VWA3B: variants seen among roughly 807,000 people sequenced by gnomAD.
The protein encoded by VWA3B is von Willebrand factor A domain-containing protein 3B.
A neutral mutation model predicts 158.3 loss-of-function variants in VWA3B; 138 were observed. The ratio of observed to expected loss-of-function variants is 0.87; its 90% CI spans 0.76 to 1.00. The LOEUF is 1.00. Ranked by LOEUF, VWA3B falls within the 50% of genes least tolerant of loss-of-function variation. VWA3B has a pLI of 0.00. For missense variants in VWA3B, 1,555 were observed against 1,565.1 expected (o/e 0.99, Z 0.11); for synonymous variants, 596 against 587.3 (o/e 1.01, Z -0.21).
intron 14 of VWA3B, among the ~76,000 whole-genome samples, chr2:98,220,166 A>T (rs775265821): frequency 0.039 from 552 of 14,168 alleles, 4 homozygotes; most frequent in South Asian, 0.16. Context: ...CCTGTCTCAT[A>T]AAAAAAAAAA....
the VWA3B span, among the ~76,000 whole-genome samples, chr2:98,327,976 C>A: frequency 1.3e-5 from 2 of 152,156 alleles, no homozygotes; most frequent in African/African-American, 4.8e-5. Context: ...AACAGAGACT[C>A]CCCACTATGC....
chr2:98,318,728 T>TA, the VWA3B span, among the ~76,000 whole-genome samples: 14 of 152,078 alleles, frequency 9.2e-5, no homozygotes, highest in African/African-American at 2.9e-4. Flanking sequence ...ACTTAAAAGT[T>TA]AAAAAAATAA....
chr2:98,115,888 G>T, intron 3 of VWA3B, 142 bp downstream of exon 3: 1 of 598,150 alleles, frequency 1.7e-6, no homozygotes, highest in Non-Finnish European at 2.8e-6. Flanking sequence ...TTTTCTTTTG[G>T]CATTGATAGG....
At chr2:98,124,533 T>G (rs1675209430) in intron 5 of VWA3B, among the ~76,000 whole-genome samples, 1 of 152,154 alleles carries the variant, frequency 6.6e-6, no homozygotes, top group Admixed American at 6.5e-5. Context: ...TCAGATGAAA[T>G]GGGCTGAGAC....
chr2:98,217,726 C>A, intron 13 of VWA3B, 120 bp from the exon 14 acceptor site: 1 of 879,310 alleles, frequency 1.1e-6, no homozygotes, highest in Non-Finnish European at 1.6e-6. Flanking sequence ...AGAAGCCACT[C>A]ACCACTGTAT....
intron 1 of VWA3B, among the ~76,000 whole-genome samples, chr2:98,092,243 C>T (rs562928713): frequency 6.6e-6 from 1 of 152,288 alleles, no homozygotes; most frequent in South Asian, 2.1e-4. Context: ...TCATTGGGCA[C>T]AAAATGTCAG....
chr2:98,237,163 G>A (rs962797824), intron 19 of VWA3B, among the ~76,000 whole-genome samples: 9 of 152,230 alleles, frequency 5.9e-5, no homozygotes, highest in South Asian at 2.1e-4. Context: ...GTGACAAAGC[G>A]AGATCTTGTC....
At chr2:98,225,158 T>A (rs1684821095) in intron 14 of VWA3B, among the ~76,000 whole-genome samples, 1 of 152,216 alleles carries the variant, frequency 6.6e-6, no homozygotes, top group Non-Finnish European at 1.5e-5. Context: ...GATCTCGAAC[T>A]CCTGACTTCA....
intron 12 of VWA3B, among the ~76,000 whole-genome samples, chr2:98,204,517 G>T (rs1682850759): frequency 1.3e-5 from 2 of 152,158 alleles, no homozygotes; most frequent in African/African-American, 4.8e-5. Context: ...ATGCTCATAT[G>T]ATTTTTTTTC....
chr2:98,249,976 A>T (rs1686690740), intron 19 of VWA3B, among the ~76,000 whole-genome samples: 1 of 152,140 alleles, frequency 6.6e-6, no homozygotes, highest in Non-Finnish European at 1.5e-5. Context: ...CTTATTGCCC[A>T]CTCTTACCAA....
chr2:98,308,813 T>C (rs902387808), intron 26 of VWA3B, among the ~76,000 whole-genome samples: 18 of 152,352 alleles, frequency 1.2e-4, no homozygotes, highest in African/African-American at 3.8e-4. Flanking sequence ...CCAGATGAGC[T>C]GGAATCCTTC....
intron 22 of VWA3B, among the ~76,000 whole-genome samples, chr2:98,282,803 C>T (rs1461362682): frequency 6.6e-6 from 1 of 152,100 alleles, no homozygotes; most frequent in Non-Finnish European, 1.5e-5. Context: ...AACTTACAGG[C>T]GTATGAATGA....
At chr2:98,206,666 A>T (rs1683049390) in intron 12 of VWA3B, 1 of 353,098 alleles carries the variant, frequency 2.8e-6, no homozygotes, top group Non-Finnish European at 5.6e-6. Flanking sequence ...TCCTGAGTTC[A>T]TGGAAATTAG....
intron 21 of VWA3B, among the ~76,000 whole-genome samples, chr2:98,264,570 T>C (rs1209965877): frequency 6.6e-5 from 10 of 152,144 alleles, no homozygotes; most frequent in Non-Finnish European, 4.4e-5. Flanking sequence ...TTTCATTTTG[T>C]TCAGAAAAAA....
chr2:98,210,652 G>C (rs1458550368), intron 12 of VWA3B, among the ~76,000 whole-genome samples: 2 of 152,178 alleles, frequency 1.3e-5, no homozygotes, highest in Admixed American at 1.3e-4. Flanking sequence ...GGTATATGGT[G>C]AGGCCTGAGA....
intron 12 of VWA3B, among the ~76,000 whole-genome samples, chr2:98,210,630 G>C (rs1683432902): frequency 6.6e-6 from 1 of 152,208 alleles, no homozygotes; most frequent in East Asian, 1.9e-4. Flanking sequence ...GTCTTAATGG[G>C]AGAGTGCCCA....
chr2:98,193,771 G>A (rs1681796883), intron 11 of VWA3B, among the ~76,000 whole-genome samples: 1 of 151,768 alleles, frequency 6.6e-6, no homozygotes, highest in Admixed American at 6.6e-5. Flanking sequence ...TGTATTTTTA[G>A]TAGAGACGGG....
At chr2:98,152,141 G>T (rs1193913576) in intron 7 of VWA3B, among the ~76,000 whole-genome samples, 4 of 152,226 alleles carry the variant, frequency 2.6e-5, no homozygotes, top group Admixed American at 2.6e-4. Context: ...GAAATCAGGA[G>T]TGCCTGTCCT....
chr2:98,109,650 CT>C (rs1673985989), intron 2 of VWA3B, among the ~76,000 whole-genome samples: 1 of 152,036 alleles, frequency 6.6e-6, no homozygotes, highest in Non-Finnish European at 1.5e-5. Flanking sequence ...TATTTTCTTT[CT>C]GCTTAGAGAA....
Sources: gnomAD v4.1 joint callset for allele counts (sites outside exome capture counted in the v4.1 genomes callset) on GRCh38, gnomAD v4.1.1 for gene constraint, MANE v1.5 for transcripts, NCBI Gene and HGNC (gene_info 2026-07-23, HGNC 2026-07-21) for gene names.